The following MAGI1 variants were observed in gnomAD, a reference collection of about 807,000 sequenced individuals.
MAGI1 encodes membrane-associated guanylate kinase, WW and PDZ domain-containing protein 1.
A neutral mutation model predicts 139.9 loss-of-function variants in MAGI1; 58 were observed. The ratio of observed to expected loss-of-function variants is 0.41; its 90% CI spans 0.34 to 0.52. MAGI1 has a LOEUF of 0.52. MAGI1 is among the 20% of genes least tolerant of loss of function. The pLI is 0.12. For synonymous variants in MAGI1, 812 were observed against 737.9 expected, an observed-to-expected ratio of 1.10 and a Z score of -1.63; for missense variants, 1,874 against 1,901.6, an observed-to-expected ratio of 0.99 and a Z score of 0.27.
chr3:65,651,361 G>A (rs1249488259), intron 1 of MAGI1, among the ~76,000 whole-genome samples: 1 of 152,134 alleles, frequency 6.6e-6, no homozygotes, highest in East Asian at 1.9e-4. Flanking sequence ...AACACACCCT[G>A]GAGCTAAGGC....
At chr3:65,869,698 C>T (rs1345779278) in intron 1 of MAGI1, among the ~76,000 whole-genome samples, 1 of 152,104 alleles carries the variant, frequency 6.6e-6, no homozygotes, top group South Asian at 2.1e-4. Flanking sequence ...CCGCGCCCAG[C>T]CAAGACTGTT....
At chr3:65,834,017 C>G (rs189038039) in intron 1 of MAGI1, among the ~76,000 whole-genome samples, 156 of 152,298 alleles carry the variant, frequency 1.0e-3, no homozygotes, top group Middle Eastern at 3.4e-3. Context: ...CACCTACTTC[C>G]CTAGACACTG....
At chr3:65,818,726 C>A (rs1108717) in intron 1 of MAGI1, among the ~76,000 whole-genome samples, 1 of 151,840 alleles carries the variant, frequency 6.6e-6, no homozygotes, top group Non-Finnish European at 1.5e-5. Context: ...ATACATCTTA[C>A]TGAGGAGTTT....
At chr3:65,734,501 G>GAGAGAAA (rs1491565084) in intron 1 of MAGI1, among the ~76,000 whole-genome samples, 2 of 95,976 alleles carry the variant, frequency 2.1e-5, no homozygotes, top group African/African-American at 1.1e-4. Context: ...GAGAGAAAGA[G>GAGAGAAA]GAAGAGAGAG....
At chr3:65,714,477 C>G (rs939431520) in intron 1 of MAGI1, among the ~76,000 whole-genome samples, 12 of 152,094 alleles carry the variant, frequency 7.9e-5, no homozygotes, top group Admixed American at 6.5e-4. Context: ...TCGAATCACC[C>G]TCCTCAGGAC....
chr3:66,016,367 T>G (rs1460459507), intron 1 of MAGI1, among the ~76,000 whole-genome samples: 1 of 152,184 alleles, frequency 6.6e-6, no homozygotes, highest in Non-Finnish European at 1.5e-5. Flanking sequence ...AGGACCAGAT[T>G]TGAACCCGGA....
intron 3 of MAGI1, among the ~76,000 whole-genome samples, chr3:65,489,066 C>G (rs1337303362): frequency 6.6e-6 from 1 of 152,154 alleles, no homozygotes; most frequent in Non-Finnish European, 1.5e-5. Context: ...CCAGCTCTAT[C>G]TTTGATTTAC....
chr3:65,499,071 AAAC>A, intron 2 of MAGI1: 86 of 977,560 alleles, frequency 8.8e-5, no homozygotes, highest in Non-Finnish European at 1.0e-4. Flanking sequence ...AAAAAAAAAA[AAAC>A]AAAAAACTCT....
intron 1 of MAGI1, among the ~76,000 whole-genome samples, chr3:65,979,108 C>T (rs112108420): frequency 7.4e-6 from 1 of 134,920 alleles, no homozygotes; most frequent in Non-Finnish European, 1.6e-5. Context: ...CGCCACCCCC[C>T]ACAGCTACTC....
chr3:65,724,067 G>A (rs1365849668), intron 1 of MAGI1, among the ~76,000 whole-genome samples: 1 of 152,192 alleles, frequency 6.6e-6, no homozygotes, highest in East Asian at 1.9e-4. Flanking sequence ...TGCCTGAACA[G>A]ACAGGTTTAA....
intron 1 of MAGI1, among the ~76,000 whole-genome samples, chr3:65,879,820 T>A (rs183416328): frequency 2.0e-5 from 3 of 152,320 alleles, no homozygotes; most frequent in Admixed American, 2.0e-4. Context: ...TTGTCTCAAG[T>A]CACACAGCTG....
At chr3:65,770,151 T>C (rs2037830681) in intron 1 of MAGI1, among the ~76,000 whole-genome samples, 1 of 152,120 alleles carries the variant, frequency 6.6e-6, no homozygotes, top group Non-Finnish European at 1.5e-5. Context: ...TACCATGAGT[T>C]TATTTTAGAC....
chr3:65,561,463 C>T (rs1034873294), intron 2 of MAGI1, among the ~76,000 whole-genome samples: 5 of 152,026 alleles, frequency 3.3e-5, no homozygotes, highest in African/African-American at 1.2e-4. Context: ...AAGCAAAATT[C>T]AAGGAGGTGC....
intron 1 of MAGI1, among the ~76,000 whole-genome samples, chr3:65,895,467 C>T (rs538153569): frequency 2.0e-5 from 3 of 152,292 alleles, no homozygotes; most frequent in Non-Finnish European, 4.4e-5. Flanking sequence ...CCAGAATTCT[C>T]AAAAGTACTA....
At chr3:65,991,162 G>A (rs530890035) in intron 1 of MAGI1, among the ~76,000 whole-genome samples, 5 of 151,816 alleles carry the variant, frequency 3.3e-5, no homozygotes, top group East Asian at 1.9e-4. Flanking sequence ...GGTAGCATGC[G>A]CCTGTAGTCC....
At chr3:66,035,556 T>G (rs1329982957) in intron 1 of MAGI1, among the ~76,000 whole-genome samples, 1 of 152,154 alleles carries the variant, frequency 6.6e-6, no homozygotes, top group African/African-American at 2.4e-5. Context: ...AATGAAGACG[T>G]CAGAAGATCC....
chr3:65,751,357 G>T (rs1415569704), intron 1 of MAGI1, among the ~76,000 whole-genome samples: 2 of 152,210 alleles, frequency 1.3e-5, no homozygotes, highest in Admixed American at 6.5e-5. Flanking sequence ...TCACAGCCAG[G>T]CTGGAGCATT....
chr3:65,821,487 C>T (rs1394264263), intron 1 of MAGI1, among the ~76,000 whole-genome samples: 1 of 152,180 alleles, frequency 6.6e-6, no homozygotes, highest in African/African-American at 2.4e-5. Context: ...CATTAAAATA[C>T]AGCCATAACA....
At chr3:65,565,443 A>C (rs1176690986) in intron 2 of MAGI1, among the ~76,000 whole-genome samples, 1 of 152,164 alleles carries the variant, frequency 6.6e-6, no homozygotes, top group Non-Finnish European at 1.5e-5. Flanking sequence ...AACAAAACTC[A>C]GTGGTCATTT....
Sources: allele counts gnomAD v4.1 joint callset (sites outside exome capture counted in the v4.1 genomes callset), GRCh38; gene constraint gnomAD v4.1.1; transcripts MANE v1.5; gene names NCBI Gene and HGNC (gene_info 2026-07-23, HGNC 2026-07-21).